DOK5: variants seen among roughly 807,000 people sequenced by gnomAD.
DOK5 encodes the protein docking protein 5, also known as downstream of tyrosine kinase 5.
A neutral mutation model predicts 43.3 loss-of-function variants in DOK5; 27 were observed. The observed-to-expected ratio is 0.62, with a 90% CI of 0.46 to 0.86. The LOEUF (loss-of-function observed/expected upper bound fraction) is 0.86. DOK5 is among the 40% of genes least tolerant of loss of function. The pLI, the probability that DOK5 is intolerant of heterozygous loss-of-function variation, is 0.00. For synonymous variants in DOK5, 146 were observed against 140.1 expected (o/e 1.04, Z -0.30); for missense variants, 373 against 392.9 (o/e 0.95, Z 0.43).
At chr20:54,623,183 A>G (rs1247374006) in intron 6 of DOK5, among the ~76,000 whole-genome samples, 1 of 152,178 alleles carries the variant, frequency 6.6e-6, no homozygotes, top group Non-Finnish European at 1.5e-5. Context: ...TCTGGCTGTC[A>G]ACAATGGGGT....
chr20:54,483,198 C>T (rs1981795537), intron 1 of DOK5, among the ~76,000 whole-genome samples: 1 of 152,112 alleles, frequency 6.6e-6, no homozygotes, highest in African/African-American at 2.4e-5. Context: ...TAGACATAAA[C>T]CAAATTAGTG....
chr20:54,481,280 C>T (rs1409311379), intron 1 of DOK5, among the ~76,000 whole-genome samples: 2 of 152,090 alleles, frequency 1.3e-5, no homozygotes, highest in African/African-American at 2.4e-5. Context: ...AGCAATTCTC[C>T]TGTCTCAGCC....
chr20:54,515,073 C>T (rs1301236086), intron 1 of DOK5, among the ~76,000 whole-genome samples: 4 of 151,884 alleles, frequency 2.6e-5, no homozygotes, highest in African/African-American at 4.8e-5. Context: ...TGCAATGGTG[C>T]GATCTTGACT....
At chr20:54,552,170 C>G (rs1163372042) in intron 1 of DOK5, among the ~76,000 whole-genome samples, 3 of 152,140 alleles carry the variant, frequency 2.0e-5, no homozygotes, top group Admixed American at 1.3e-4. Flanking sequence ...AACTAACAAA[C>G]AAAACCCAAA....
At chr20:54,565,276 A>G (rs752158331) in intron 2 of DOK5, among the ~76,000 whole-genome samples, 16 of 152,222 alleles carry the variant, frequency 1.1e-4, no homozygotes, top group Non-Finnish European at 1.9e-4. Context: ...AATAACTAAT[A>G]ATAAAATAGA....
chr20:54,610,670 A>G (rs1207628518), intron 6 of DOK5, 147 bp downstream of exon 6: 3 of 976,404 alleles, frequency 3.1e-6, no homozygotes, highest in Non-Finnish European at 4.1e-6. Flanking sequence ...ATTAAATGGC[A>G]TTCCAGAATG....
intron 1 of DOK5, among the ~76,000 whole-genome samples, chr20:54,489,865 G>A (rs1051208514): frequency 1.3e-5 from 2 of 152,162 alleles, no homozygotes; most frequent in Non-Finnish European, 2.9e-5. Context: ...GGGACTTATT[G>A]TTCCAAGGGT....
Position 54,608,918 on chromosome 20 carries a change from G to A in DOK5, c.600-1470G>A, listed in dbSNP as rs552687196. On this transcript the variant is annotated intron_variant, in intron 5 of 7. Transcript: ENST00000262593. Reference sequence around the variant, plus strand: ...TCGAACTCCTGACCTTAGATCATCCGCCCACCTTGGCCTCCCAAAGTGCTG... The same window carrying A: ...TCGAACTCCTGACCTTAGATCATCCACCCACCTTGGCCTCCCAAAGTGCTG... 2.9e-4 allele frequency among the ~76,000 whole-genome samples: 44 copies of A among 152,006 alleles called. 1 individual carries two copies. In the South Asian group the frequency reaches 6.2e-3, roughly 22 times the overall value.
chr20:54,570,391 G>C (rs1367211522), intron 2 of DOK5, among the ~76,000 whole-genome samples: 2 of 152,144 alleles, frequency 1.3e-5, no homozygotes, highest in Admixed American at 6.5e-5. Flanking sequence ...ATAATGGTAG[G>C]ATAATTAAAT....
At position 54,573,602 on chromosome 20, in the gene DOK5, G is replaced by A. The variant is rs557635694; in HGVS notation, c.175-14881G>A. The stretch of plus-strand genomic sequence containing the variant: ...CTTGGGAGGCTGAGGCAGGAGAATC[G>A]CTTGAATCTGGGAGGCAGAGGTTGC... On this transcript the variant is annotated intron_variant, in intron 2 of 7. Transcript: ENST00000262593. 5.7e-4 allele frequency among the ~76,000 whole-genome samples: 85 copies of A among 148,450 alleles called. 1 individual carries two copies. The highest frequency in any genetic ancestry group is 8.5e-4 in the South Asian group (4 of 4,724).
intron 1 of DOK5, among the ~76,000 whole-genome samples, chr20:54,509,196 A>T (rs1175888785): frequency 2.6e-5 from 4 of 152,088 alleles, no homozygotes; most frequent in African/African-American, 7.2e-5. Context: ...TTTTAATTTT[A>T]ATTTTTATGT....
chr20:54,641,070 T>C (rs1979090648), intron 6 of DOK5, among the ~76,000 whole-genome samples: 1 of 152,198 alleles, frequency 6.6e-6, no homozygotes, highest in African/African-American at 2.4e-5. Flanking sequence ...TGCATACTTA[T>C]TATTTGTCCA....
At chr20:54,550,518 C>T (rs969916016) in intron 1 of DOK5, among the ~76,000 whole-genome samples, 3 of 152,188 alleles carry the variant, frequency 2.0e-5, no homozygotes, top group Non-Finnish European at 2.9e-5. Flanking sequence ...CAGCCAAATC[C>T]ACATCCCTGG....
intron 2 of DOK5, among the ~76,000 whole-genome samples, chr20:54,566,757 C>T (rs1985113219): frequency 6.6e-6 from 1 of 152,106 alleles, no homozygotes; most frequent in Admixed American, 6.6e-5. Context: ...GCTAGGACTA[C>T]AGGCATGCAC....
chr20:54,506,563 C>T (rs1183779666), intron 1 of DOK5, among the ~76,000 whole-genome samples: 4 of 152,136 alleles, frequency 2.6e-5, no homozygotes, highest in East Asian at 1.9e-4. Flanking sequence ...TGGGTTCTAG[C>T]GATCTCCCAC....
At chr20:54,584,201 T>G (rs1316971805) in intron 2 of DOK5, among the ~76,000 whole-genome samples, 5 of 151,706 alleles carry the variant, frequency 3.3e-5, no homozygotes, top group Non-Finnish European at 7.4e-5. Flanking sequence ...AATGATTACT[T>G]TTATCATTTT....
At chr20:54,528,703 TAA>T (rs375955869) in intron 1 of DOK5, among the ~76,000 whole-genome samples, 20 of 152,290 alleles carry the variant, frequency 1.3e-4, no homozygotes, top group African/African-American at 4.8e-4. Flanking sequence ...TACTGCCAAA[TAA>T]AAAGAGAATG....
intron 1 of DOK5, among the ~76,000 whole-genome samples, chr20:54,552,608 G>T (rs1166952965): frequency 6.6e-6 from 1 of 152,020 alleles, no homozygotes; most frequent in Admixed American, 6.6e-5. Context: ...CTATAGATAA[G>T]TAGATATATT....
intron 2 of DOK5, among the ~76,000 whole-genome samples, chr20:54,579,472 T>C (rs1985564025): frequency 6.6e-6 from 1 of 152,102 alleles, no homozygotes; most frequent in African/African-American, 2.4e-5. Context: ...GTTAATTACA[T>C]GTACATTGTT....
Sources: allele counts gnomAD v4.1 joint callset (sites outside exome capture counted in the v4.1 genomes callset), GRCh38; gene constraint gnomAD v4.1.1; transcripts MANE v1.5; gene names NCBI Gene and HGNC (gene_info 2026-07-23, HGNC 2026-07-21).